R3HDM1: variants seen among roughly 807,000 people sequenced by gnomAD.
R3HDM1 encodes the protein R3H domain-containing protein 1.
Under a neutral mutation model 141.1 loss-of-function variants are expected in R3HDM1, and 46 were observed. The ratio of observed to expected loss-of-function variants is 0.33; its 90% CI spans 0.26 to 0.42. The LOEUF is 0.42. Ranked by LOEUF, R3HDM1 falls within the 10% of genes least tolerant of loss-of-function variation. The probability of loss-of-function intolerance (pLI) is 1.00; values close to 1 mark genes in which losing one functional copy is unlikely to be tolerated. For missense variants in R3HDM1, 1,184 were observed against 1,368.3 expected, an observed-to-expected ratio of 0.87 and a Z score of 2.12; for synonymous variants, 435 against 472.9, an observed-to-expected ratio of 0.92 and a Z score of 1.04.
At chr2:135,663,443 A>G (rs1010872908) in intron 19 of R3HDM1, among the ~76,000 whole-genome samples, 2 of 152,046 alleles carry the variant, frequency 1.3e-5, no homozygotes, top group Non-Finnish European at 2.9e-5. Context: ...CAGCTGTTTT[A>G]TATAGTATCC....
chr2:135,629,153 C>T (rs892102952), intron 7 of R3HDM1, among the ~76,000 whole-genome samples: 3 of 151,846 alleles, frequency 2.0e-5, no homozygotes, highest in Admixed American at 6.6e-5. Flanking sequence ...CCTGTGACTA[C>T]TAAAAATACA....
At chr2:135,680,549 C>T (rs1247954341) in intron 21 of R3HDM1, among the ~76,000 whole-genome samples, 5 of 152,232 alleles carry the variant, frequency 3.3e-5, no homozygotes, top group Non-Finnish European at 7.3e-5. Flanking sequence ...GCTGGTGGAT[C>T]ACCTGAGGTC....
intron 21 of R3HDM1, among the ~76,000 whole-genome samples, chr2:135,680,898 A>G (rs11888260): frequency 0.072 from 10,984 of 152,162 alleles, 820 homozygotes; most frequent in African/African-American, 0.19. Context: ...TACTCACACA[A>G]ATGGAGTAAC....
At chr2:135,563,921 A>C (rs928977067) in intron 1 of R3HDM1, among the ~76,000 whole-genome samples, 1 of 152,194 alleles carries the variant, frequency 6.6e-6, no homozygotes, top group South Asian at 2.1e-4. Context: ...GGAGCTTACA[A>C]TCATAGGGAG....
chr2:135,696,011 AGTTTGTTTTAAAC>A (rs1469852563), intron 21 of R3HDM1, among the ~76,000 whole-genome samples: 1 of 152,236 alleles, frequency 6.6e-6, no homozygotes, highest in African/African-American at 2.4e-5. Context: ...CTGGGGAAAC[AGTTTGTTTTAAAC>A]GTTAAACCCA....
intron 18 of R3HDM1, 72 bp from the exon 19 acceptor site, chr2:135,661,198 T>G (rs1207243046): frequency 6.4e-7 from 1 of 1,557,524 alleles, no homozygotes; most frequent in Non-Finnish European, 8.8e-7. Flanking sequence ...CATTAAACTC[T>G]GATCTTCCTC....
intron 1 of R3HDM1, among the ~76,000 whole-genome samples, chr2:135,538,612 G>A (rs905169063): frequency 6.6e-6 from 1 of 151,980 alleles, no homozygotes; most frequent in African/African-American, 2.4e-5. Context: ...AAAAGGTTTT[G>A]GAGTTTGTTT....
chr2:135,661,517 G>C, intron 19 of R3HDM1, 124 bp downstream of exon 19: 1 of 1,244,402 alleles, frequency 8.0e-7, no homozygotes, highest in South Asian at 1.5e-5. Flanking sequence ...ATACATATGA[G>C]TTTGCAAACC....
chr2:135,559,033 T>A (rs762367700), intron 1 of R3HDM1: 14 of 983,118 alleles, frequency 1.4e-5, no homozygotes, highest in Non-Finnish European at 1.4e-5. Flanking sequence ...TTATCAGTGG[T>A]ATTTATGATT....
intron 1 of R3HDM1, among the ~76,000 whole-genome samples, chr2:135,580,595 A>T (rs1038334851): frequency 6.6e-6 from 1 of 152,178 alleles, no homozygotes; most frequent in Admixed American, 6.5e-5. Context: ...AAAAATCTGT[A>T]CATGTCACTC....
intron 17 of R3HDM1, chr2:135,650,665 A>T (rs1044445633): frequency 1.0e-6 from 1 of 983,778 alleles, no homozygotes; most frequent in Admixed American, 6.1e-5. Flanking sequence ...GACACCATTC[A>T]CTGAATTAGG....
intron 21 of R3HDM1, among the ~76,000 whole-genome samples, chr2:135,697,705 C>A (rs1334014045): frequency 6.6e-6 from 1 of 152,110 alleles, no homozygotes; most frequent in Non-Finnish European, 1.5e-5. Flanking sequence ...CAAAACTCAA[C>A]TATGTTCTTT....
intron 15 of R3HDM1, among the ~76,000 whole-genome samples, chr2:135,644,438 G>A (rs934304963): frequency 1.2e-4 from 18 of 152,162 alleles, no homozygotes; most frequent in African/African-American, 4.1e-4. Flanking sequence ...GGGGGAGGCT[G>A]AGGTTGCAGT....
At chr2:135,681,283 G>A (rs900857584) in intron 21 of R3HDM1, among the ~76,000 whole-genome samples, 11 of 152,164 alleles carry the variant, frequency 7.2e-5, no homozygotes, top group Non-Finnish European at 1.3e-4. Context: ...CTGTGACAAC[G>A]GGTTTTGCAA....
chr2:135,557,980 C>A (rs1395776383), intron 1 of R3HDM1, among the ~76,000 whole-genome samples: 1 of 151,486 alleles, frequency 6.6e-6, no homozygotes, highest in Non-Finnish European at 1.5e-5. Context: ...TTGCATGGAG[C>A]CCACAGTGCT....
intron 1 of R3HDM1, among the ~76,000 whole-genome samples, chr2:135,585,379 A>G (rs1707649415): frequency 6.6e-6 from 1 of 152,242 alleles, no homozygotes; most frequent in Admixed American, 6.5e-5. Flanking sequence ...TTTTAGTGAC[A>G]TAGAAAAGTG....
At chr2:135,710,305 A>G (rs2075469771) in intron 23 of R3HDM1, 74 bp downstream of exon 23, 4 of 1,449,118 alleles carry the variant, frequency 2.8e-6, no homozygotes, top group Non-Finnish European at 3.8e-6. Flanking sequence ...TAAGGCTTGA[A>G]TTTGAAATCC....
chr2:135,611,185 G>A (rs2060511398), intron 3 of R3HDM1, among the ~76,000 whole-genome samples: 1 of 151,942 alleles, frequency 6.6e-6, no homozygotes, highest in Non-Finnish European at 1.5e-5. Context: ...ACGTTGGGAG[G>A]CCGAGGCAAG....
At chr2:135,588,235 G>C (rs1347019916) in intron 1 of R3HDM1, among the ~76,000 whole-genome samples, 1 of 151,278 alleles carries the variant, frequency 6.6e-6, no homozygotes, top group Non-Finnish European at 1.5e-5. Flanking sequence ...CTCTTCCTTT[G>C]TCTGTTTCTC....
Sources: allele counts gnomAD v4.1 joint callset (sites outside exome capture counted in the v4.1 genomes callset), GRCh38; gene constraint gnomAD v4.1.1; transcripts MANE v1.5; gene names NCBI Gene and HGNC (gene_info 2026-07-23, HGNC 2026-07-21).